The following CSMD1 variants were observed in gnomAD, a reference collection of about 807,000 sequenced individuals.
The protein encoded by CSMD1 is CUB and sushi domain-containing protein 1.
CSMD1 carries 213 observed loss-of-function variants against 417.5 expected under a neutral mutation model. That is an observed-to-expected ratio of 0.51 (90% confidence interval 0.46 to 0.57). The LOEUF is 0.57. Ranked by LOEUF, CSMD1 falls within the 20% of genes least tolerant of loss-of-function variation. CSMD1 has a pLI of 0.00. For synonymous variants in CSMD1, 2,862 were observed against 1,736.8 expected, an observed-to-expected ratio of 1.65 and a Z score of -16.11; for missense variants, 6,923 against 4,529.7, an observed-to-expected ratio of 1.53 and a Z score of -15.17.
chr8:3,052,352 C>G (rs1811872694), intron 50 of CSMD1, 110 bp downstream of exon 50: 2 of 706,034 alleles, frequency 2.8e-6, no homozygotes, highest in East Asian at 5.6e-5. Flanking sequence ...ACACCAAATC[C>G]TCACAAGGTG....
At position 3,214,599 on chromosome 8, in the gene CSMD1, G is replaced by T. The variant is rs1370137894; in HGVS notation, c.4765C>A (p.Gln1589Lys). 1 of 1,566,608 alleles carries T rather than the reference G, an allele frequency of 6.4e-7. No homozygotes were observed. Among genetic ancestry groups the T allele is most frequent in the Non-Finnish European group, 8.7e-7 (1 of 1,154,894 alleles). ...DFKLGSTITYQCDSGYKILDP... is the reference protein window; with the variant it reads ...DFKLGSTITYKCDSGYKILDP... ...AGAATCTTATAGCCAGAGTCACACT[G>T]GTAGGTGATGGTGGAGCCAAGCTTG... Residue 1589 changes from glutamine to lysine, a missense_variant, in exon 30 of 70, where the codon CAG (glutamine) becomes AAG (lysine). Physicochemically the swap from Gln to Lys is moderately conservative, Grantham distance 53. Coordinates refer to ENST00000635120, the MANE Select transcript of CSMD1 (RefSeq NM_033225.6).
At chr8:3,984,646 G>C (rs1585079868) in intron 5 of CSMD1, among the ~76,000 whole-genome samples, 2 of 144,272 alleles carry the variant, frequency 1.4e-5, no homozygotes, top group African/African-American at 2.6e-5. Flanking sequence ...GCCAAGGCTT[G>C]TTACTTGTGT....
chr8:3,474,622 T>G (rs1370448180), intron 11 of CSMD1, among the ~76,000 whole-genome samples: 1 of 152,208 alleles, frequency 6.6e-6, no homozygotes, highest in Non-Finnish European at 1.5e-5. Flanking sequence ...AGAAATATGC[T>G]TAGGAACTTA....
intron 2 of CSMD1, among the ~76,000 whole-genome samples, chr8:4,593,372 A>G (rs931747419): frequency 1.3e-5 from 2 of 152,220 alleles, no homozygotes; most frequent in African/African-American, 4.8e-5. Flanking sequence ...ATAAAAAATT[A>G]AGCATAATAA....
chr8:4,976,771 T>C (rs909530930), intron 1 of CSMD1, among the ~76,000 whole-genome samples: 19 of 152,342 alleles, frequency 1.2e-4, no homozygotes, highest in African/African-American at 4.3e-4. Context: ...GCAAATGTGA[T>C]ATGGTAGGTA....
intron 1 of CSMD1, among the ~76,000 whole-genome samples, chr8:4,913,387 T>C (rs1805833923): frequency 6.6e-6 from 1 of 152,208 alleles, no homozygotes; most frequent in Non-Finnish European, 1.5e-5. Flanking sequence ...TGCTTTTTCT[T>C]GATTGTTTTC....
At chr8:4,175,076 T>A (rs13282712) in intron 3 of CSMD1, among the ~76,000 whole-genome samples, 1 of 151,640 alleles carries the variant, frequency 6.6e-6, no homozygotes, top group Non-Finnish European at 1.5e-5. Context: ...CACTGACTTT[T>A]ACTTTGCACT....
intron 37 of CSMD1, among the ~76,000 whole-genome samples, chr8:3,167,443 T>C (rs553634907): frequency 2.0e-5 from 3 of 151,434 alleles, no homozygotes; most frequent in South Asian, 2.1e-4. Context: ...AAGGTAATTC[T>C]TGTGCAATCT....
chr8:4,784,599 G>A (rs944306435), intron 1 of CSMD1, among the ~76,000 whole-genome samples: 2 of 152,018 alleles, frequency 1.3e-5, no homozygotes, highest in Non-Finnish European at 2.9e-5. Flanking sequence ...TTCACTTACT[G>A]TTAAATTTCT....
At chr8:3,500,182 C>T (rs1360679075) in intron 10 of CSMD1, among the ~76,000 whole-genome samples, 3 of 152,156 alleles carry the variant, frequency 2.0e-5, no homozygotes, top group South Asian at 2.1e-4. Context: ...AGAGGGTCTT[C>T]TTTACTCTGT....
At chr8:3,186,119 T>G (rs1382260213) in intron 36 of CSMD1, among the ~76,000 whole-genome samples, 1 of 152,202 alleles carries the variant, frequency 6.6e-6, no homozygotes, top group African/African-American at 2.4e-5. Context: ...CAAATATTAT[T>G]TATATAATTA....
At chr8:3,370,390 T>C (rs567589799) in intron 18 of CSMD1, among the ~76,000 whole-genome samples, 2 of 152,306 alleles carry the variant, frequency 1.3e-5, no homozygotes, top group African/African-American at 2.4e-5. Flanking sequence ...CGGGTCTTGC[T>C]CTTCTCCTGG....
chr8:3,959,413 C>G (rs1313434537), intron 5 of CSMD1, among the ~76,000 whole-genome samples: 2 of 152,198 alleles, frequency 1.3e-5, no homozygotes, highest in Non-Finnish European at 2.9e-5. Context: ...GTGGGAAGAT[C>G]ACTTGAACCT....
chr8:3,512,334 T>C (rs1797110645), intron 10 of CSMD1, among the ~76,000 whole-genome samples: 1 of 152,228 alleles, frequency 6.6e-6, no homozygotes, highest in Non-Finnish European at 1.5e-5. Context: ...ACCCACAGCC[T>C]CAGCCTCTCC....
chr8:3,162,258 G>A lies in CSMD1; in HGVS notation c.5745C>T (p.Cys1915=). 6.2e-7 allele frequency: 1 copy of A among 1,607,942 alleles called. No homozygotes were observed. The highest frequency in any genetic ancestry group is 8.5e-7 in the Non-Finnish European group (1 of 1,176,828). The stretch of plus-strand genomic sequence containing the variant: ...TGTTGCTGGGGAGGGCTGGTTCTTG[G>A]CATGCAGCAAGACCTACAGCTAGAA... ...LEYKTVGLAA[C]QEPALPSNSI... Residue 1915 remains cysteine, a synonymous_variant, in exon 38 of 70, where the codon TGC becomes TGT. Transcript: ENST00000635120.
intron 2 of CSMD1, among the ~76,000 whole-genome samples, chr8:4,470,442 G>T (rs1400502140): frequency 6.6e-6 from 1 of 152,202 alleles, no homozygotes; most frequent in African/African-American, 2.4e-5. Flanking sequence ...GTGCTGCTAT[G>T]TAGACAGGTT....
chr8:3,623,465 T>G (rs1010999620), intron 7 of CSMD1, among the ~76,000 whole-genome samples: 18 of 152,234 alleles, frequency 1.2e-4, no homozygotes, highest in Non-Finnish European at 1.3e-4. Context: ...ACAAATCAAT[T>G]AGTGGAGATA....
intron 7 of CSMD1, among the ~76,000 whole-genome samples, chr8:3,671,961 T>A (rs1051724079): frequency 2.0e-5 from 3 of 152,248 alleles, no homozygotes; most frequent in African/African-American, 7.2e-5. Flanking sequence ...ACCACACATT[T>A]TTAGTTTCGA....
chr8:3,616,566 T>C (rs1802148545), intron 8 of CSMD1, 144 bp downstream of exon 8: 1 of 608,800 alleles, frequency 1.6e-6, no homozygotes, highest in Non-Finnish European at 2.9e-6. Context: ...TGAAGACAAA[T>C]TGTGATTACA....
Sources: allele counts gnomAD v4.1 joint callset (sites outside exome capture counted in the v4.1 genomes callset), GRCh38; gene constraint gnomAD v4.1.1; transcripts MANE v1.5; gene names NCBI Gene and HGNC (gene_info 2026-07-23, HGNC 2026-07-21).